The following WDFY3 variants were observed in gnomAD, a reference collection of about 807,000 sequenced individuals.
WDFY3 encodes WD repeat and FYVE domain containing 3, also known as WD repeat and FYVE domain-containing protein 3.
WDFY3 carries 66 observed loss-of-function variants against 409.6 expected under a neutral mutation model. That is an observed-to-expected ratio of 0.16 (90% confidence interval 0.13 to 0.20). The LOEUF (loss-of-function observed/expected upper bound fraction) is 0.20, where lower values mean the gene tolerates loss of function less well. Ranked by LOEUF, WDFY3 falls within the 10% of genes least tolerant of loss-of-function variation. WDFY3 has a pLI of 1.00. For synonymous variants in WDFY3, 1,521 were observed against 1,537.1 expected, an observed-to-expected ratio of 0.99 and a Z score of 0.25; for missense variants, 3,031 against 4,298.1, an observed-to-expected ratio of 0.71 and a Z score of 8.24.
chr4:84,726,742 C>T (rs1318875816), intron 45 of WDFY3, 119 bp downstream of exon 45: 5 of 858,708 alleles, frequency 5.8e-6, no homozygotes, highest in Non-Finnish European at 3.5e-6. Context: ...ATAGGAAGAA[C>T]AAATTGAAAG....
At position 84,786,113 on chromosome 4, in the gene WDFY3, C is replaced by T. The variant is rs778469198; in HGVS notation, c.3928G>A (p.Val1310Met). The change falls in exon 24 of 68, where the codon GTG (valine) becomes ATG (methionine). Residue 1310 changes from valine to methionine, a missense_variant. Physicochemically the swap from Val to Met is conservative, Grantham distance 21 (BLOSUM62 1). This residue lies in a region of WDFY3 where 1,322 missense variants were observed against 1,697.9 expected (regional missense o/e 0.78). Transcript: ENST00000295888. ...GGTACTAATGACACAGGGGATGGCA[C>T]CACCCCTTCGGATTTTGCATCTTTA... ...PCKDAKSEGV[V>M]PSPVSLVPEE... The T allele has an allele frequency of 1.2e-6, 2 of 1,606,932 alleles. No individual in the cohort carries two copies. The highest frequency in any genetic ancestry group is 1.7e-6 in the Non-Finnish European group (2 of 1,177,344).
chr4:84,909,840 A>C (rs1393786251), intron 2 of WDFY3, among the ~76,000 whole-genome samples: 1 of 152,168 alleles, frequency 6.6e-6, no homozygotes, highest in Non-Finnish European at 1.5e-5. Context: ...TCAAATTTCC[A>C]AAGAAAGTTA....
At chr4:84,781,201 A>C (rs1281314687) in intron 25 of WDFY3, among the ~76,000 whole-genome samples, 2 of 150,642 alleles carry the variant, frequency 1.3e-5, no homozygotes, top group African/African-American at 5.0e-5. Context: ...ATAGAAACAC[A>C]GTCCTGGAAC....
rs1336609035 is a variant in WDFY3, at chr4:84,841,272, C to A, written c.305-9G>T. On this transcript the variant is annotated splice_polypyrimidine_tract_variant and intron_variant, in intron 5 of 67. Coordinates refer to ENST00000295888, the MANE Select transcript of WDFY3 (RefSeq NM_014991.6). ...GGCCCGACTTGCAGCCTCTATAAAA[C>A]CAAAGGGAAAGCCATTAAGTGGGGG... is the stretch of plus-strand genomic sequence containing the variant. The A allele has an allele frequency of 2.5e-6, 4 of 1,607,794 alleles. No homozygotes were observed. In the East Asian group the frequency reaches 6.7e-5, roughly 27 times the overall value.
In WDFY3 at chr4:84,692,896, G is replaced by A; in HGVS notation, c.9038C>T (p.Thr3013Ile). 1.2e-6 allele frequency: 2 copies of A among 1,607,340 alleles called. No individual in the cohort carries two copies. The highest frequency in any genetic ancestry group is 1.7e-6 in the Non-Finnish European group (2 of 1,178,546). ...TCTCATTATTTTACCTTTTACAGGT[G>A]TTAGAGAAGGCCTCAAGTTGTCTAG... ...HHLDNLRPSL[T>I]PVKELKEPVG... The change falls in exon 59 of 68, where the codon ACA becomes ATA. Residue 3013 changes from threonine (T) to isoleucine (I), a missense_variant. Transcript: ENST00000295888.
chr4:84,698,242 A>C (rs188788514), intron 56 of WDFY3, among the ~76,000 whole-genome samples: 612 of 151,518 alleles, frequency 4.0e-3, no homozygotes, highest in Middle Eastern at 7.0e-3. Context: ...AAGATAACAT[A>C]GTCTGCAGGA....
In WDFY3 at chr4:84,672,772, G is replaced by A; in HGVS notation, c.*96C>T. 4.0e-6 allele frequency: 6 copies of A among 1,514,696 alleles called. No homozygotes were observed. The highest frequency in any genetic ancestry group is 5.4e-6 in the Non-Finnish European group (6 of 1,117,328). 93.8% of individuals were successfully genotyped at this position (1,514,696 alleles called of 1,614,324 possible). On this transcript the variant is annotated 3_prime_UTR_variant, in exon 68 of 68. Coordinates refer to ENST00000295888, the MANE Select transcript of WDFY3 (RefSeq NM_014991.6). ...CTTCAAACACGTGGTATGAAGAGAT[G>A]TGTAAACGGAGACTGTTTTCAATGC...
chr4:84,692,852 C>G, intron 59 of WDFY3, 33 bp downstream of exon 59: 3 of 1,563,052 alleles, frequency 1.9e-6, no homozygotes, highest in Non-Finnish European at 2.6e-6. Context: ...CCCATTAAAT[C>G]ATTAATCAAA....
intron 65 of WDFY3, 147 bp downstream of exon 65, chr4:84,678,772 T>C: frequency 2.5e-6 from 2 of 810,764 alleles, no homozygotes; most frequent in Non-Finnish European, 3.8e-6. Context: ...AGAGGCCTTC[T>C]GTGTAAAGAG....
intron 2 of WDFY3, among the ~76,000 whole-genome samples, chr4:84,912,708 C>T (rs1767953020): frequency 6.6e-6 from 1 of 151,834 alleles, no homozygotes; most frequent in Non-Finnish European, 1.5e-5. Context: ...AGTACATCTG[C>T]CCAGGTTTTT....
chr4:84,758,477 G>A (rs904911501), intron 32 of WDFY3, among the ~76,000 whole-genome samples: 2 of 152,118 alleles, frequency 1.3e-5, no homozygotes, highest in Non-Finnish European at 2.9e-5. Context: ...CAAACTCCTA[G>A]TGTCAAATGA....
chr4:84,827,911 T>C (rs1333654545), intron 9 of WDFY3, among the ~76,000 whole-genome samples: 3 of 151,920 alleles, frequency 2.0e-5, no homozygotes, highest in African/African-American at 7.3e-5. Flanking sequence ...GAGGCTAGAG[T>C]TTGGCACCAG....
At chr4:84,929,941 A>G (rs966601342) in intron 2 of WDFY3, among the ~76,000 whole-genome samples, 1 of 151,958 alleles carries the variant, frequency 6.6e-6, no homozygotes, top group Non-Finnish European at 1.5e-5. Context: ...CACAAGAGAC[A>G]TGCATAGAAG....
intron 2 of WDFY3, among the ~76,000 whole-genome samples, chr4:84,928,794 G>T (rs573162984): frequency 6.6e-6 from 1 of 152,206 alleles, no homozygotes; most frequent in South Asian, 2.1e-4. Context: ...TTAGACCTCT[G>T]CATATTTTAT....
intron 53 of WDFY3, among the ~76,000 whole-genome samples, 154 bp from the exon 54 acceptor site, chr4:84,705,665 A>C (rs2218323): frequency 6.6e-6 from 1 of 152,076 alleles, no homozygotes; most frequent in Non-Finnish European, 1.5e-5. Context: ...ATAATGCTAT[A>C]TATGTACTGT....
intron 35 of WDFY3, among the ~76,000 whole-genome samples, chr4:84,752,924 T>C (rs571766606): frequency 8.2e-4 from 125 of 152,352 alleles, no homozygotes; most frequent in Non-Finnish European, 8.1e-4. Context: ...AAGCCCCTGC[T>C]ATATGGTTTT....
Position 84,728,554 on chromosome 4 carries a change from A to C in WDFY3, c.7222-1643T>G, listed in dbSNP as rs572702257. On this transcript the variant is annotated intron_variant, in intron 44 of 67. Transcript: ENST00000295888. ...AAACAAATGAATAAAAAAATAAGAT[A>C]GACTGTTGGATAGATATGCAACAAA... Among the ~76,000 whole-genome samples, 78 of 152,286 alleles carry C rather than the reference A, an allele frequency of 5.1e-4. 1 individual carries two copies. The East Asian group carries it at 0.014, about 28-fold the overall frequency.
At position 84,909,174 on chromosome 4, in the gene WDFY3, G is replaced by T. The variant is rs548914083; in HGVS notation, c.-131-12164C>A. 3.9e-5 allele frequency among the ~76,000 whole-genome samples: 6 copies of T among 152,164 alleles called. No individual in the cohort carries two copies. In the South Asian group the frequency reaches 1.2e-3, roughly 32 times the overall value. On this transcript the variant is annotated intron_variant, in intron 2 of 67. Coordinates refer to ENST00000295888, the MANE Select transcript of WDFY3 (RefSeq NM_014991.6). Reference sequence around the variant, plus strand: ...CTTTTTAGAACTGTGAGATTTATCAGAGAAAACTGAAAGTAAACAAGGGAG... The same window carrying T: ...CTTTTTAGAACTGTGAGATTTATCATAGAAAACTGAAAGTAAACAAGGGAG...
chr4:84,873,079 G>A (rs563393231), intron 3 of WDFY3, among the ~76,000 whole-genome samples: 1 of 152,252 alleles, frequency 6.6e-6, no homozygotes, highest in South Asian at 2.1e-4. Flanking sequence ...ATTGATTATT[G>A]GAGTTTGAGA....
Sources: allele counts gnomAD v4.1 joint callset (sites outside exome capture counted in the v4.1 genomes callset), GRCh38; gene constraint gnomAD v4.1.1; regional missense constraint gnomAD v4.1.1; transcripts MANE v1.5; gene names NCBI Gene and HGNC (gene_info 2026-07-23, HGNC 2026-07-21).